Variants in PHACTR4 observed in about 807,000 individuals in gnomAD.
PHACTR4 encodes protein phosphatase 1, regulatory subunit 124.
A neutral mutation model predicts 72.7 loss-of-function variants in PHACTR4; 51 were observed. The observed-to-expected ratio is 0.70, with a 90% CI of 0.56 to 0.89. The LOEUF (loss-of-function observed/expected upper bound fraction) is 0.89. Among genes scored for constraint, PHACTR4 ranks in the 40% least tolerant of loss-of-function variants. PHACTR4 has a pLI of 0.00. For missense variants in PHACTR4, 731 were observed against 861.8 expected (o/e 0.85, Z 1.90); for synonymous variants, 255 against 302.5 (o/e 0.84, Z 1.63).
At chr1:28,424,248 A>G (rs773202718) in intron 2 of PHACTR4, among the ~76,000 whole-genome samples, 3 of 151,976 alleles carry the variant, frequency 2.0e-5, no homozygotes, top group Non-Finnish European at 4.4e-5. Flanking sequence ...CTGGAGTACA[A>G]TGGTGTGAAC....
intron 6 of PHACTR4, among the ~76,000 whole-genome samples, chr1:28,468,216 C>T (rs996982546): frequency 2.6e-5 from 4 of 152,148 alleles, no homozygotes; most frequent in African/African-American, 7.2e-5. Context: ...TACTTATTTT[C>T]AAAACTACCT....
intron 10 of PHACTR4, 88 bp from the exon 11 acceptor site, chr1:28,490,861 AAG>A (rs1162381728): frequency 2.3e-6 from 3 of 1,331,126 alleles, no homozygotes; most frequent in Non-Finnish European, 3.2e-6. Context: ...AAAAACAAAA[AAG>A]AAATATCTGT....
rs1027307990 is a variant in PHACTR4, at chr1:28,405,569, C to T, written c.-38-1841C>T. Among the ~76,000 whole-genome samples the T allele has an allele frequency of 4.0e-5, 6 of 151,754 alleles. 1 individual carries two copies. Among genetic ancestry groups the T allele is most frequent in the African/African-American group, 1.2e-4 (5 of 41,336 alleles). On this transcript the variant is annotated intron_variant, in intron 1 of 13. Coordinates refer to ENST00000373839, the MANE Select transcript of PHACTR4 (RefSeq NM_001048183.3). Reference sequence around the variant, plus strand: ...CTCAAACTCCTGACCTCAGGTGATCCACCCATCTCGACCTCCCAAAGTGCT... The same window carrying T: ...CTCAAACTCCTGACCTCAGGTGATCTACCCATCTCGACCTCCCAAAGTGCT...
chr1:28,386,740 C>T (rs962635487), intron 1 of PHACTR4, among the ~76,000 whole-genome samples: 9 of 151,936 alleles, frequency 5.9e-5, no homozygotes, highest in East Asian at 1.9e-4. Context: ...CAAATAATGA[C>T]GTGTTTTTAT....
In PHACTR4 at chr1:28,459,219, A is replaced by AC; in HGVS notation, c.151_152insC (p.Lys51ThrfsTer5). 6.6e-7 allele frequency: 1 copy of AC among 1,512,640 alleles called. No homozygotes were observed. The highest frequency in any genetic ancestry group is 9.0e-7 in the Non-Finnish European group (1 of 1,106,890). The allele number at this position is 1,512,640 out of a possible 1,614,324, so 93.7% of individuals were successfully genotyped here. A position where few individuals can be genotyped will look rare whatever the true frequency, so the allele number is the denominator to read the frequency against. ...GATCTTCAAGCCCTGGAAATGGAGG[A>AC]AAAAAAAAAGTAGTGATAAATTTAA... On this transcript the variant is annotated frameshift_variant, in exon 3 of 14. Transcript: ENST00000373839. LOFTEE classifies it high-confidence loss of function.
intron 1 of PHACTR4, among the ~76,000 whole-genome samples, chr1:28,373,712 C>T (rs1380325902): frequency 1.3e-5 from 2 of 152,190 alleles, no homozygotes; most frequent in Non-Finnish European, 2.9e-5. Flanking sequence ...AGGCATGAGT[C>T]ACCATGCCCG....
At chr1:28,441,440 C>T (rs896851677) in intron 2 of PHACTR4, among the ~76,000 whole-genome samples, 5 of 152,016 alleles carry the variant, frequency 3.3e-5, no homozygotes, top group Non-Finnish European at 7.4e-5. Context: ...GGAAGGCCAG[C>T]GCTATTAACC....
intron 1 of PHACTR4, among the ~76,000 whole-genome samples, chr1:28,380,607 T>C (rs1418365420): frequency 6.6e-6 from 1 of 152,184 alleles, no homozygotes; most frequent in East Asian, 1.9e-4. Context: ...TGTTTTTCTG[T>C]TTCTGCATTA....
chr1:28,391,876 G>A (rs371293137), intron 1 of PHACTR4, among the ~76,000 whole-genome samples: 2 of 152,072 alleles, frequency 1.3e-5, no homozygotes, highest in East Asian at 1.9e-4. Context: ...CAAAGTGCTG[G>A]GATTAGAGGT....
intron 13 of PHACTR4, among the ~76,000 whole-genome samples, chr1:28,493,319 C>T (rs537414807): frequency 6.6e-6 from 1 of 152,248 alleles, no homozygotes; most frequent in Non-Finnish European, 1.5e-5. Context: ...AGGTGGATCA[C>T]CTGAGGTCAG....
At chr1:28,375,308 C>T (rs1651561710) in intron 1 of PHACTR4, among the ~76,000 whole-genome samples, 1 of 137,296 alleles carries the variant, frequency 7.3e-6, no homozygotes, top group Non-Finnish European at 1.6e-5. Flanking sequence ...TCCCACCACC[C>T]CTGCCCGCCC....
At chr1:28,487,612 T>C (rs1375441626) in intron 9 of PHACTR4, among the ~76,000 whole-genome samples, 5 of 150,456 alleles carry the variant, frequency 3.3e-5, no homozygotes, top group African/African-American at 1.2e-4. Flanking sequence ...ACAGAAGAGT[T>C]GAAAATTTTG....
intron 6 of PHACTR4, among the ~76,000 whole-genome samples, chr1:28,468,702 T>A (rs1413242164): frequency 1.3e-5 from 2 of 152,146 alleles, no homozygotes; most frequent in Non-Finnish European, 2.9e-5. Context: ...AAACTGGTGT[T>A]CTCCTCAGGA....
intron 4 of PHACTR4, among the ~76,000 whole-genome samples, chr1:28,463,767 CTG>C (rs1658963764): frequency 6.6e-6 from 1 of 152,196 alleles, no homozygotes; most frequent in Admixed American, 6.6e-5. Context: ...GGATTTCACT[CTG>C]TCACCCAGGC....
At chr1:28,388,571 G>A (rs1171788879) in intron 1 of PHACTR4, among the ~76,000 whole-genome samples, 2 of 152,172 alleles carry the variant, frequency 1.3e-5, no homozygotes, top group Non-Finnish European at 2.9e-5. Context: ...ATCAACTCTG[G>A]CTGGGCACGG....
At chr1:28,396,329 C>G (rs992695003) in intron 1 of PHACTR4, among the ~76,000 whole-genome samples, 1 of 151,564 alleles carries the variant, frequency 6.6e-6, no homozygotes, top group African/African-American at 2.4e-5. Flanking sequence ...GTCAGGAGTT[C>G]AAGACCAGCC....
intron 9 of PHACTR4, chr1:28,481,285 C>T (rs549830601): frequency 6.6e-6 from 1 of 152,298 alleles, no homozygotes; most frequent in East Asian, 1.9e-4. Flanking sequence ...CCACGTTGCC[C>T]TCCGAAAGTC....
At chr1:28,491,039 CTATA>C in intron 11 of PHACTR4, 27 bp downstream of exon 11, 3 of 1,597,506 alleles carry the variant, frequency 1.9e-6, no homozygotes, top group Non-Finnish European at 1.7e-6. Flanking sequence ...GTTCAGTTAA[CTATA>C]TGTGTTATAT....
intron 1 of PHACTR4, among the ~76,000 whole-genome samples, chr1:28,396,463 G>A (rs368889486): frequency 1.3e-5 from 2 of 151,494 alleles, no homozygotes; most frequent in South Asian, 2.1e-4. Context: ...CCTGGGAGGC[G>A]GAGGTTGCAG....
Sources: gnomAD v4.1 joint callset for allele counts (sites outside exome capture counted in the v4.1 genomes callset) on GRCh38, gnomAD v4.1.1 for gene constraint, MANE v1.5 for transcripts, NCBI Gene and HGNC (gene_info 2026-07-23, HGNC 2026-07-21) for gene names.